The following EPC1 variants were observed in gnomAD, a reference collection of about 807,000 sequenced individuals.
EPC1 encodes the protein enhancer of polycomb homolog 1.
A neutral mutation model predicts 98.4 loss-of-function variants in EPC1; 12 were observed. The observed-to-expected ratio is 0.12, with a 90% CI of 0.08 to 0.20. The LOEUF (loss-of-function observed/expected upper bound fraction) is 0.20. Among genes scored for constraint, EPC1 ranks in the 10% least tolerant of loss-of-function variants. The pLI is 1.00. For missense variants in EPC1, 729 were observed against 990.5 expected, an observed-to-expected ratio of 0.74 and a Z score of 3.54; for synonymous variants, 357 against 363.9, an observed-to-expected ratio of 0.98 and a Z score of 0.21.
chr10:32,271,664 A>G lies in EPC1; in HGVS notation c.2259T>C (p.His753=), dbSNP rs772948098. The change falls in exon 13 of 14, where the codon CAT becomes CAC. Residue 753 remains histidine (H), a synonymous_variant. Transcript: ENST00000319778. ...VNSIAPINAR[H]IPRTLSAVPS... Reference sequence around the variant, plus strand: ...GAACAGCACTTAAAGTCCTAGGTATATGTCGTGCATTTATTGGGGCAATAG... The same window carrying G: ...GAACAGCACTTAAAGTCCTAGGTATGTGTCGTGCATTTATTGGGGCAATAG... 1.5e-5 allele frequency: 24 copies of G among 1,614,102 alleles called. No homozygotes were observed. Among genetic ancestry groups the G allele is most frequent in the East Asian group, 2.2e-5 (1 of 44,894 alleles).
At chr10:32,347,906 T>C (rs557391170), upstream of EPC1, among the ~76,000 whole-genome samples, 2 of 152,306 alleles carry the variant, frequency 1.3e-5, no homozygotes, top group South Asian at 4.1e-4. Flanking sequence ...TTCTACAAAG[T>C]AGATTTTTTT....
chr10:32,346,573 G>T, intron 1 of EPC1, 190 bp downstream of exon 1: 1 of 614,540 alleles, frequency 1.6e-6, no homozygotes, highest in Non-Finnish European at 2.8e-6. Context: ...GCCTTAGAAG[G>T]GGCCCCGCTG....
chr10:32,368,534 G>GTTT (rs570616342), intron 1 of EPC1, among the ~76,000 whole-genome samples: 1 of 151,862 alleles, frequency 6.6e-6, no homozygotes, highest in East Asian at 1.9e-4. Flanking sequence ...TCAGGGAAGT[G>GTTT]TTTTTTTTGT....
chr10:32,354,226 A>C (rs1049972838), intron 1 of EPC1, among the ~76,000 whole-genome samples: 1 of 152,234 alleles, frequency 6.6e-6, no homozygotes. Context: ...AAGTTATTTC[A>C]GTTTAACTTT....
At chr10:32,286,541 C>T in intron 9 of EPC1, 153 bp downstream of exon 9, 1 of 898,570 alleles carries the variant, frequency 1.1e-6, no homozygotes, top group Non-Finnish European at 1.6e-6. Context: ...AACCAGGCAG[C>T]ACAGCAACAA....
chr10:32,269,622 A>C (rs12772092), intron 13 of EPC1: 14,577 of 152,642 alleles, frequency 0.095, 851 homozygotes, highest in Non-Finnish European at 0.13. Flanking sequence ...TCTGCGTCTC[A>C]GTTTCTTCAT....
chr10:32,312,906 T>C (rs1482677030), intron 1 of EPC1, among the ~76,000 whole-genome samples: 1 of 152,216 alleles, frequency 6.6e-6, no homozygotes, highest in Non-Finnish European at 1.5e-5. Context: ...AGTTCTGTGT[T>C]TCATTCAACA....
chr10:32,304,076 T>A (rs115732937), intron 2 of EPC1, among the ~76,000 whole-genome samples: 1,720 of 152,362 alleles, frequency 0.011, 35 homozygotes, highest in African/African-American at 0.039. Context: ...GCTACAATTC[T>A]GCTGTCATTT....
chr10:32,371,763 TG>T (rs1387919629), intron 1 of EPC1, among the ~76,000 whole-genome samples: 1 of 151,694 alleles, frequency 6.6e-6, no homozygotes, highest in East Asian at 1.9e-4. Flanking sequence ...AAAAATTAGC[TG>T]GGTGGGGTGG....
chr10:32,340,328 TG>T (rs1838258555), intron 1 of EPC1, among the ~76,000 whole-genome samples: 1 of 152,246 alleles, frequency 6.6e-6, no homozygotes. Context: ...AGTTTGCTTT[TG>T]TTTTTCATAT....
At chr10:32,275,458 C>T (rs1194189848) in intron 10 of EPC1, among the ~76,000 whole-genome samples, 1 of 152,070 alleles carries the variant, frequency 6.6e-6, no homozygotes, top group African/African-American at 2.4e-5. Flanking sequence ...ATGGTGAAAC[C>T]CCGTCTCTAT....
chr10:32,270,821 C>CAA (rs55931034), intron 13 of EPC1, among the ~76,000 whole-genome samples: 16 of 57,984 alleles, frequency 2.8e-4, no homozygotes, highest in African/African-American at 1.0e-3. Flanking sequence ...GACTCGGTCT[C>CAA]AAAAAAAAAA....
In EPC1 at chr10:32,269,079, G is replaced by A. The variant is rs1471754769; in HGVS notation, c.2426C>T (p.Ala809Val). The part of the protein sequence containing the change: ...ALNNIADNTV[A>V]MEVT The stretch of plus-strand genomic sequence containing the variant: ...CGGAGGAAGCTACGTCACCTCCATC[G>A]CTACTGTGTTGTCTGCTATGTTGTT... The change falls in exon 14 of 14, where the codon GCG becomes GTG. Residue 809 changes from alanine to valine, a missense_variant. Transcript: ENST00000319778. 1.2e-6 allele frequency: 2 copies of A among 1,613,602 alleles called. No homozygotes were observed. Among genetic ancestry groups the A allele is most frequent in the Non-Finnish European group, 1.7e-6 (2 of 1,179,782 alleles).
chr10:32,378,669 G>A (rs879618654), exon 1 of EPC1: 4 of 475,318 alleles, frequency 8.4e-6, no homozygotes, highest in Non-Finnish European at 1.5e-5. Context: ...GAATGGGGTG[G>A]CTTCCCCCAG....
At chr10:32,277,332 T>A (rs1212470635) in intron 10 of EPC1, among the ~76,000 whole-genome samples, 1 of 152,160 alleles carries the variant, frequency 6.6e-6, no homozygotes, top group African/African-American at 2.4e-5. Context: ...GCCATTATGA[T>A]GCTGAAGGGG....
intron 1 of EPC1, among the ~76,000 whole-genome samples, chr10:32,327,771 A>G (rs1193772783): frequency 6.6e-6 from 1 of 152,152 alleles, no homozygotes; most frequent in Non-Finnish European, 1.5e-5. Flanking sequence ...ACAAAAAAGT[A>G]TTTGTGGATC....
At chr10:32,364,248 G>A (rs914533544) in intron 1 of EPC1, among the ~76,000 whole-genome samples, 7 of 150,496 alleles carry the variant, frequency 4.7e-5, no homozygotes, top group Non-Finnish European at 7.4e-5. Context: ...TGGCCAGGCC[G>A]GTCTCGAACT....
intron 1 of EPC1, among the ~76,000 whole-genome samples, chr10:32,317,691 G>C (rs1437069331): frequency 6.6e-6 from 1 of 152,106 alleles, no homozygotes; most frequent in Non-Finnish European, 1.5e-5. Flanking sequence ...TTTTGTATCT[G>C]AAATACTTGT....
intron 9 of EPC1, 188 bp from the exon 10 acceptor site, chr10:32,285,238 T>G (rs1409012059): frequency 8.4e-6 from 4 of 476,602 alleles, no homozygotes; most frequent in East Asian, 3.2e-5. Context: ...AAAAGTTCTT[T>G]TAACAAATTG....
Sources: gnomAD v4.1 joint callset for allele counts (sites outside exome capture counted in the v4.1 genomes callset) on GRCh38, gnomAD v4.1.1 for gene constraint, MANE v1.5 for transcripts, NCBI Gene and HGNC (gene_info 2026-07-23, HGNC 2026-07-21) for gene names.